The following CACNB4 variants were observed in gnomAD, a reference collection of about 807,000 sequenced individuals.
CACNB4 encodes voltage-dependent L-type calcium channel subunit beta-4.
Under a neutral mutation model 71.2 loss-of-function variants are expected in CACNB4, and 32 were observed. The ratio of observed to expected loss-of-function variants is 0.45; its 90% CI spans 0.34 to 0.60. CACNB4 has a LOEUF of 0.60. Ranked by LOEUF, CACNB4 falls within the 20% of genes least tolerant of loss-of-function variation. The pLI, the probability that CACNB4 is intolerant of heterozygous loss-of-function variation, is 0.01. For missense variants in CACNB4, 464 were observed against 647.9 expected, an observed-to-expected ratio of 0.72 and a Z score of 3.08; for synonymous variants, 231 against 236.9, an observed-to-expected ratio of 0.97 and a Z score of 0.23.
chr2:152,083,559 G>T (rs1354025787), intron 2 of CACNB4, among the ~76,000 whole-genome samples: 1 of 152,182 alleles, frequency 6.6e-6, no homozygotes. Context: ...AGAACACACA[G>T]TGTTAAATGA....
At chr2:152,049,955 T>A (rs936854759) in intron 2 of CACNB4, among the ~76,000 whole-genome samples, 2 of 152,258 alleles carry the variant, frequency 1.3e-5, no homozygotes, top group African/African-American at 4.8e-5. Context: ...GCAAGGCAAC[T>A]GCATCTCAAC....
intron 2 of CACNB4, among the ~76,000 whole-genome samples, chr2:151,919,252 G>C (rs1445960850): frequency 6.6e-6 from 1 of 152,146 alleles, no homozygotes; most frequent in African/African-American, 2.4e-5. Context: ...CTTTGAGTGA[G>C]ACAAGGTCTC....
chr2:152,033,730 G>A (rs1684409509), intron 2 of CACNB4, among the ~76,000 whole-genome samples: 1 of 152,148 alleles, frequency 6.6e-6, no homozygotes, highest in African/African-American at 2.4e-5. Flanking sequence ...TCAGCTAGTG[G>A]GGGTGTGAGA....
intron 2 of CACNB4, among the ~76,000 whole-genome samples, chr2:151,902,966 A>G (rs978664110): frequency 6.6e-6 from 1 of 152,168 alleles, no homozygotes; most frequent in African/African-American, 2.4e-5. Flanking sequence ...GAAGTTTTCA[A>G]TCTCTCTCGA....
rs542276328 is a variant in CACNB4, at chr2:151,843,654, C to T, written c.1117-1566G>A. Among the ~76,000 whole-genome samples the T allele has an allele frequency of 7.9e-5, 12 of 152,270 alleles. No individual in the cohort carries two copies. The East Asian group carries it at 1.7e-3, about 22-fold the overall frequency. On this transcript the variant is annotated intron_variant, in intron 12 of 13. Coordinates refer to ENST00000539935, the MANE Select transcript of CACNB4 (RefSeq NM_000726.5). ...TCAATAGTAGGATTGACCTTTCCCACCACCTTCATCTGCTTTTATGAACTC... is the reference window on the plus strand; with the variant it reads ...TCAATAGTAGGATTGACCTTTCCCATCACCTTCATCTGCTTTTATGAACTC...
intron 2 of CACNB4, among the ~76,000 whole-genome samples, chr2:152,017,482 C>T (rs1450548434): frequency 1.6e-5 from 2 of 126,016 alleles, no homozygotes; most frequent in Admixed American, 8.2e-5. Flanking sequence ...CTGAGGCGGG[C>T]GGATCCCGAG....
intron 2 of CACNB4, among the ~76,000 whole-genome samples, chr2:151,928,648 G>A (rs1431774856): frequency 6.6e-6 from 1 of 152,192 alleles, no homozygotes; most frequent in Non-Finnish European, 1.5e-5. Context: ...AAAAGGCTGG[G>A]TGCAGTGACT....
chr2:152,058,854 G>T (rs1273569285), intron 2 of CACNB4, among the ~76,000 whole-genome samples: 6 of 152,232 alleles, frequency 3.9e-5, no homozygotes, highest in Non-Finnish European at 8.8e-5. Context: ...GGGAAAAATG[G>T]TTTCATGGGC....
chr2:152,097,586 T>C (rs1688343043), intron 2 of CACNB4, among the ~76,000 whole-genome samples: 2 of 152,334 alleles, frequency 1.3e-5, no homozygotes, highest in South Asian at 4.1e-4. Context: ...ACCAATTTCC[T>C]GTGCCAAGGT....
chr2:152,076,499 TTG>T (rs1404535884), intron 2 of CACNB4, among the ~76,000 whole-genome samples: 2 of 152,070 alleles, frequency 1.3e-5, no homozygotes, highest in East Asian at 3.9e-4. Context: ...TCACTGTAGT[TTG>T]TGTTTGGGCT....
chr2:152,064,984 C>T (rs997719855), intron 2 of CACNB4, among the ~76,000 whole-genome samples: 1 of 152,210 alleles, frequency 6.6e-6, no homozygotes, highest in African/African-American at 2.4e-5. Flanking sequence ...TATGAAACTT[C>T]AAGACCAGCA....
At chr2:151,849,043 C>T (rs932815500) in intron 12 of CACNB4, among the ~76,000 whole-genome samples, 1 of 152,138 alleles carries the variant, frequency 6.6e-6, no homozygotes, top group Admixed American at 6.5e-5. Context: ...TCCTGTTCCC[C>T]TAGGTCCCCT....
chr2:151,915,847 CAAAAAAA>C (rs143625402), intron 2 of CACNB4, among the ~76,000 whole-genome samples: 28 of 82,002 alleles, frequency 3.4e-4, no homozygotes, highest in Middle Eastern at 5.6e-3. Flanking sequence ...AGCTCCATCT[CAAAAAAA>C]AAAAAAAAAA....
At chr2:152,017,878 G>C (rs1683434495) in intron 2 of CACNB4, among the ~76,000 whole-genome samples, 1 of 151,138 alleles carries the variant, frequency 6.6e-6, no homozygotes, top group African/African-American at 2.4e-5. Flanking sequence ...TTTTGCCCAG[G>C]CTGGAGTGCA....
chr2:152,020,193 C>T (rs1333025690), intron 2 of CACNB4, among the ~76,000 whole-genome samples: 3 of 152,150 alleles, frequency 2.0e-5, no homozygotes, highest in African/African-American at 7.2e-5. Flanking sequence ...CCAACAGCAT[C>T]GATTTGAGAT....
intron 13 of CACNB4, 147 bp from the exon 14 acceptor site, chr2:151,839,526 G>C: frequency 1.5e-6 from 1 of 654,272 alleles, no homozygotes. Context: ...GATCTGCTTA[G>C]AATATCTGGT....
intron 2 of CACNB4, among the ~76,000 whole-genome samples, chr2:152,062,734 G>A (rs990666673): frequency 2.6e-5 from 4 of 152,144 alleles, no homozygotes; most frequent in Non-Finnish European, 4.4e-5. Context: ...AATGACAGAC[G>A]GGAAGCATTT....
At chr2:152,012,608 A>AAC (rs1356614316) in intron 2 of CACNB4, among the ~76,000 whole-genome samples, 1 of 151,950 alleles carries the variant, frequency 6.6e-6, no homozygotes, top group Non-Finnish European at 1.5e-5. Context: ...CATCTCAAAA[A>AAC]AAAAAAAAAA....
chr2:151,882,040 C>T (rs2099848001), intron 3 of CACNB4, among the ~76,000 whole-genome samples: 1 of 151,702 alleles, frequency 6.6e-6, no homozygotes, highest in Admixed American at 6.6e-5. Flanking sequence ...ACCACCACGC[C>T]CAGCTATTTT....
Sources: allele counts gnomAD v4.1 joint callset (sites outside exome capture counted in the v4.1 genomes callset), GRCh38; gene constraint gnomAD v4.1.1; transcripts MANE v1.5; gene names NCBI Gene and HGNC (gene_info 2026-07-23, HGNC 2026-07-21).